Variants in PCDHA13 observed in about 807,000 individuals in gnomAD.
PCDHA13 encodes protocadherin alpha-13.
PCDHA13 carries 54 observed loss-of-function variants against 64.8 expected under a neutral mutation model. The ratio of observed to expected loss-of-function variants is 0.83; its 90% CI spans 0.67 to 1.04. The LOEUF (loss-of-function observed/expected upper bound fraction) is 1.04, where lower values mean the gene tolerates loss of function less well. PCDHA13 is among the 50% of genes least tolerant of loss of function. The pLI is 0.00. For missense variants in PCDHA13, 1,248 were observed against 1,254.3 expected (o/e 0.99, Z 0.08); for synonymous variants, 587 against 564.4 (o/e 1.04, Z -0.57).
At chr5:140,936,311 T>C (rs1451314089) in intron 1 of PCDHA13, among the ~76,000 whole-genome samples, 1 of 152,228 alleles carries the variant, frequency 6.6e-6, no homozygotes, top group African/African-American at 2.4e-5. Flanking sequence ...AATAGAACTT[T>C]CTGACATGCT....
At chr5:140,968,508 A>T in intron 1 of PCDHA13, 1 of 1,614,068 alleles carries the variant, frequency 6.2e-7, no homozygotes. Flanking sequence ...CACATTCTGT[A>T]CCCTACCTCA....
chr5:140,928,863 C>T (rs1554206433), intron 1 of PCDHA13: 8 of 1,614,172 alleles, frequency 5.0e-6, no homozygotes, highest in Middle Eastern at 1.7e-4. Context: ...TGCTGTTGAG[C>T]AACTCTGTCC....
intron 1 of PCDHA13, among the ~76,000 whole-genome samples, chr5:140,941,216 T>TTTCTTTCTTTCTTTCTTTC (rs2092891567): frequency 8.0e-6 from 1 of 124,950 alleles, no homozygotes; most frequent in East Asian, 2.2e-4. Context: ...TCTTTCTTCC[T>TTTCTTTCTTTCTTTCTTTC]TTCTTTCTTT....
intron 1 of PCDHA13, among the ~76,000 whole-genome samples, chr5:140,941,550 C>T (rs1489599221): frequency 6.6e-6 from 1 of 151,776 alleles, no homozygotes; most frequent in Non-Finnish European, 1.5e-5. Flanking sequence ...CTCCTGACCT[C>T]GTGATCCATT....
At chr5:140,940,731 G>C (rs1195223562) in intron 1 of PCDHA13, among the ~76,000 whole-genome samples, 1 of 152,280 alleles carries the variant, frequency 6.6e-6, no homozygotes, top group South Asian at 2.1e-4. Context: ...CAGCTGGACA[G>C]CTCCATATTT....
chr5:140,961,155 G>A (rs1214072320), intron 1 of PCDHA13, among the ~76,000 whole-genome samples: 2 of 152,126 alleles, frequency 1.3e-5, no homozygotes, highest in Non-Finnish European at 2.9e-5. Context: ...TATTATTTCA[G>A]TACATATCTA....
rs143292342 is a variant in PCDHA13 at position 140,883,399 on chromosome 5, T to C, written c.1131T>C (p.Arg377=). Residue 377 remains arginine, a synonymous_variant, in exon 1 of 4, where the codon CGT becomes CGC. Transcript: ENST00000289272. ...TTGCCCTAATCAGTGTGTCCGATCG[T>C]GACTCTGGCTCAAATGGACAGGTCA... ...AIIALISVSD[R]DSGSNGQVTC... is the part of the protein sequence containing the mutation. 3.1e-5 allele frequency: 50 copies of C among 1,614,100 alleles called. No homozygotes were observed. Among genetic ancestry groups the C allele is most frequent in the Non-Finnish European group, 4.1e-5 (48 of 1,180,056 alleles).
At chr5:141,006,622 T>C (rs555577523) in intron 3 of PCDHA13, among the ~76,000 whole-genome samples, 21 of 152,132 alleles carry the variant, frequency 1.4e-4, no homozygotes, top group Non-Finnish European at 7.3e-5. Flanking sequence ...AAGGAGACTA[T>C]TGCTGCAATT....
At chr5:140,908,384 C>T (rs573373685) in intron 1 of PCDHA13, among the ~76,000 whole-genome samples, 2 of 152,172 alleles carry the variant, frequency 1.3e-5, no homozygotes, top group African/African-American at 2.4e-5. Flanking sequence ...TGCTCGAGCC[C>T]GATCACATAT....
At chr5:140,893,456 C>G (rs781790396) in intron 1 of PCDHA13, among the ~76,000 whole-genome samples, 44 of 151,918 alleles carry the variant, frequency 2.9e-4, no homozygotes, top group Non-Finnish European at 2.6e-4. Flanking sequence ...AGTTCAAGAC[C>G]AGCCTGGGCA....
At chr5:141,007,192 TGGTGGGGGCCAGAATATGC>T (rs1371127830) in intron 3 of PCDHA13, among the ~76,000 whole-genome samples, 1 of 151,894 alleles carries the variant, frequency 6.6e-6, no homozygotes, top group African/African-American at 2.4e-5. Flanking sequence ...AATGTTTTGA[TGGTGGGGGCCAGAATATGC>T]TGTCCCAAAA....
intron 1 of PCDHA13, chr5:140,927,103 C>T: frequency 6.2e-7 from 1 of 1,613,768 alleles, no homozygotes; most frequent in Non-Finnish European, 8.5e-7. Flanking sequence ...GGTGGATCTA[C>T]CCAGCGGCAA....
chr5:140,951,959 A>C (rs2094664205), intron 1 of PCDHA13, among the ~76,000 whole-genome samples: 1 of 152,202 alleles, frequency 6.6e-6, no homozygotes, highest in Admixed American at 6.5e-5. Context: ...GGCATTGGGT[A>C]AATACTCCTG....
chr5:140,927,225 G>A, intron 1 of PCDHA13: 2 of 1,614,112 alleles, frequency 1.2e-6, no homozygotes, highest in South Asian at 2.2e-5. Context: ...ACAAGATTCG[G>A]ATTCACGTCC....
intron 1 of PCDHA13, among the ~76,000 whole-genome samples, chr5:140,944,732 G>A (rs1351639657): frequency 6.6e-6 from 1 of 152,142 alleles, no homozygotes; most frequent in Non-Finnish European, 1.5e-5. Context: ...ACCTTAGTAA[G>A]TCTGAGCATT....
intron 1 of PCDHA13, among the ~76,000 whole-genome samples, chr5:140,977,613 G>T (rs1554238687): frequency 2.0e-5 from 3 of 152,150 alleles, no homozygotes; most frequent in African/African-American, 7.2e-5. Flanking sequence ...TTGAGGTAAA[G>T]TATCCCAGAG....
chr5:140,911,477 T>A (rs1457881834), intron 1 of PCDHA13, among the ~76,000 whole-genome samples: 2 of 152,132 alleles, frequency 1.3e-5, no homozygotes, highest in Non-Finnish European at 2.9e-5. Context: ...AGACTCTCAC[T>A]CAGGGCAATC....
chr5:140,951,548 G>A (rs1314618918), intron 1 of PCDHA13, among the ~76,000 whole-genome samples: 1 of 151,910 alleles, frequency 6.6e-6, no homozygotes, highest in African/African-American at 2.4e-5. Flanking sequence ...AGGGACGGGG[G>A]GAAGTGCTAC....
At position 140,883,837 on chromosome 5, in the gene PCDHA13, G is replaced by A. The variant is rs1554180178; in HGVS notation, c.1569G>A (p.Leu523=). ...GCAAGGTGTACGCGCTGCAGCCGTTGGACCACGAGGAGCTGGAGCTGTTGC... is the reference window on the plus strand; with the variant it reads ...GCAAGGTGTACGCGCTGCAGCCGTTAGACCACGAGGAGCTGGAGCTGTTGC... ...ESGKVYALQP[L]DHEELELLQF... Residue 523 remains leucine (L), a synonymous_variant, in exon 1 of 4, where the codon TTG becomes TTA. Transcript: ENST00000289272. The A allele has an allele frequency of 6.2e-7, 1 of 1,612,730 alleles. No individual in the cohort carries two copies. The highest frequency in any genetic ancestry group is 2.2e-5 in the East Asian group (1 of 44,870).
Sources: allele counts gnomAD v4.1 joint callset (sites outside exome capture counted in the v4.1 genomes callset), GRCh38; gene constraint gnomAD v4.1.1; transcripts MANE v1.5; gene names NCBI Gene and HGNC (gene_info 2026-07-23, HGNC 2026-07-21).